Variants in TRIM2 observed in about 807,000 individuals in gnomAD.
TRIM2 encodes the protein tripartite motif containing 2.
In TRIM2, 20 loss-of-function variants were observed where a neutral mutation model predicts 75.2. The ratio of observed to expected loss-of-function variants is 0.27; its 90% CI spans 0.19 to 0.39. TRIM2 has a LOEUF of 0.39. Among genes scored for constraint, TRIM2 ranks in the 10% least tolerant of loss-of-function variants. TRIM2 has a pLI of 1.00. For synonymous variants in TRIM2, 373 were observed against 388.3 expected, an observed-to-expected ratio of 0.96 and a Z score of 0.46; for missense variants, 660 against 990.8, an observed-to-expected ratio of 0.67 and a Z score of 4.48.
At chr4:153,321,894 A>AT (rs750035213) in intron 8 of TRIM2, among the ~76,000 whole-genome samples, 3 of 152,130 alleles carry the variant, frequency 2.0e-5, no homozygotes, top group Non-Finnish European at 2.9e-5. Flanking sequence ...TCGAGTTGTC[A>AT]TTTTTTGGAC....
At chr4:153,272,190 C>T (rs1158002844) in intron 2 of TRIM2, among the ~76,000 whole-genome samples, 1 of 151,976 alleles carries the variant, frequency 6.6e-6, no homozygotes, top group Non-Finnish European at 1.5e-5. Flanking sequence ...ACTCTGTTGC[C>T]CAGGCTGGAG....
intron 1 of TRIM2, among the ~76,000 whole-genome samples, chr4:153,190,241 A>G (rs1000594973): frequency 3.3e-5 from 5 of 152,240 alleles, no homozygotes; most frequent in Admixed American, 1.3e-4. Context: ...AAAGACATGT[A>G]AGAGAAGATG....
chr4:153,288,746 G>A (rs1056566136), intron 3 of TRIM2, among the ~76,000 whole-genome samples: 2 of 151,200 alleles, frequency 1.3e-5, no homozygotes, highest in East Asian at 1.9e-4. Context: ...GGTGTCCCAC[G>A]GGCCTCTTAG....
chr4:153,247,282 G>T (rs1749445258), intron 1 of TRIM2, among the ~76,000 whole-genome samples: 1 of 152,178 alleles, frequency 6.6e-6, no homozygotes, highest in Admixed American at 6.5e-5. Flanking sequence ...GAGTAACAAA[G>T]TAGCACTGCA....
intron 10 of TRIM2, among the ~76,000 whole-genome samples, chr4:153,324,794 C>T (rs994352716): frequency 1.3e-5 from 2 of 152,174 alleles, no homozygotes; most frequent in Admixed American, 6.5e-5. Context: ...CTAGATCAGG[C>T]TTCTCAAGGT....
chr4:153,257,686 A>C, intron 1 of TRIM2: 4 of 979,000 alleles, frequency 4.1e-6, no homozygotes, highest in Non-Finnish European at 5.7e-6. Flanking sequence ...GTTCTTTTGG[A>C]TTGCCGCGTA....
chr4:153,239,235 C>T (rs1011891851), intron 1 of TRIM2, among the ~76,000 whole-genome samples: 1 of 151,964 alleles, frequency 6.6e-6, no homozygotes, highest in Non-Finnish European at 1.5e-5. Flanking sequence ...ACCTGTAGTC[C>T]CAGCTACTCG....
intron 1 of TRIM2, among the ~76,000 whole-genome samples, chr4:153,260,470 T>C (rs537575600): frequency 7.9e-4 from 120 of 152,186 alleles, no homozygotes; most frequent in African/African-American, 2.7e-3. Flanking sequence ...AAATATGTCT[T>C]TATGATATAT....
chr4:153,197,666 G>A (rs948942987), intron 1 of TRIM2, among the ~76,000 whole-genome samples: 3 of 152,168 alleles, frequency 2.0e-5, no homozygotes, highest in African/African-American at 7.2e-5. Context: ...GAGGTCAGGA[G>A]TTCGAGACCA....
intron 3 of TRIM2, among the ~76,000 whole-genome samples, chr4:153,285,574 C>T (rs548542546): frequency 6.6e-6 from 1 of 152,300 alleles, no homozygotes; most frequent in African/African-American, 2.4e-5. Flanking sequence ...CCTCCTGCCT[C>T]AGCCTCCCAA....
intron 6 of TRIM2, chr4:153,308,402 C>T: frequency 1.1e-6 from 1 of 875,426 alleles, no homozygotes; most frequent in Non-Finnish European, 2.0e-6. Context: ...TGTTGGTTCC[C>T]AGCCCCTTCA....
intron 6 of TRIM2, among the ~76,000 whole-genome samples, chr4:153,307,200 C>T (rs1391802787): frequency 1.3e-5 from 2 of 152,122 alleles, no homozygotes; most frequent in African/African-American, 2.4e-5. Flanking sequence ...TGACTAGAAA[C>T]CATGAGCTGG....
chr4:153,249,827 A>G (rs571163324), intron 1 of TRIM2, among the ~76,000 whole-genome samples: 12 of 152,344 alleles, frequency 7.9e-5, no homozygotes, highest in Admixed American at 2.0e-4. Context: ...TGCTTAAGAG[A>G]AAAACAATAC....
chr4:153,173,417 A>G (rs1454050078), intron 1 of TRIM2, among the ~76,000 whole-genome samples: 1 of 151,936 alleles, frequency 6.6e-6, no homozygotes, highest in Admixed American at 6.6e-5. Flanking sequence ...TAATCCCAGC[A>G]CTTTGGGAGG....
intron 11 of TRIM2, among the ~76,000 whole-genome samples, chr4:153,329,598 G>A (rs761369563): frequency 6.6e-6 from 1 of 151,862 alleles, no homozygotes; most frequent in Non-Finnish European, 1.5e-5. Flanking sequence ...CACTTTGGGA[G>A]GCCAAGGCAG....
chr4:153,155,015 C>CT (rs1045871337), intron 1 of TRIM2, among the ~76,000 whole-genome samples: 6 of 152,118 alleles, frequency 3.9e-5, no homozygotes, highest in Non-Finnish European at 7.4e-5. Context: ...TGGTGGGCAC[C>CT]TGTAATCCCA....
At chr4:153,326,979 CAAAAAAAA>C (rs10718802) in intron 10 of TRIM2, among the ~76,000 whole-genome samples, 1 of 98,978 alleles carries the variant, frequency 1.0e-5, no homozygotes, top group African/African-American at 3.6e-5. Flanking sequence ...GACTCCATCT[CAAAAAAAA>C]AAAAAAAAAA....
At chr4:153,247,853 T>C (rs1749694677) in intron 1 of TRIM2, among the ~76,000 whole-genome samples, 1 of 152,112 alleles carries the variant, frequency 6.6e-6, no homozygotes, top group Non-Finnish European at 1.5e-5. Flanking sequence ...TACTGAATCC[T>C]TAAATGAGCC....
At chr4:153,276,222 A>G in intron 3 of TRIM2, 92 bp downstream of exon 3, 1 of 1,048,504 alleles carries the variant, frequency 9.5e-7, no homozygotes. Flanking sequence ...AGATTGAAAC[A>G]GAACTCCATG....
Sources: allele counts gnomAD v4.1 joint callset (sites outside exome capture counted in the v4.1 genomes callset), GRCh38; gene constraint gnomAD v4.1.1; transcripts MANE v1.5; gene names NCBI Gene and HGNC (gene_info 2026-07-23, HGNC 2026-07-21).